Variants in LRRTM4 observed in about 807,000 individuals in gnomAD.
LRRTM4 encodes leucine rich repeat transmembrane neuronal 4, also known as leucine-rich repeat transmembrane neuronal protein 4.
Under a neutral mutation model 47.6 loss-of-function variants are expected in LRRTM4, and 25 were observed. The observed-to-expected ratio is 0.53, with a 90% CI of 0.38 to 0.73. The LOEUF (loss-of-function observed/expected upper bound fraction) is 0.73, where lower values mean the gene tolerates loss of function less well. LRRTM4 is among the 30% of genes least tolerant of loss of function. The probability of loss-of-function intolerance (pLI) is 0.00; values close to 1 mark genes in which losing one functional copy is unlikely to be tolerated. For missense variants in LRRTM4, 638 were observed against 713.4 expected (o/e 0.89, Z 1.20); for synonymous variants, 311 against 269.5 (o/e 1.15, Z -1.51).
At chr2:76,944,236 T>C (rs1675249854) in intron 3 of LRRTM4, among the ~76,000 whole-genome samples, 1 of 152,134 alleles carries the variant, frequency 6.6e-6, no homozygotes, top group African/African-American at 2.4e-5. Context: ...CATACTTTCC[T>C]AATTCCTCTC....
chr2:77,478,555 G>T (rs893124623), intron 3 of LRRTM4, among the ~76,000 whole-genome samples: 1 of 152,044 alleles, frequency 6.6e-6, no homozygotes, highest in African/African-American at 2.4e-5. Context: ...ATTTAATTTA[G>T]TGCTGAGCAA....
chr2:77,403,192 T>A (rs1674030370), intron 3 of LRRTM4, among the ~76,000 whole-genome samples: 1 of 151,988 alleles, frequency 6.6e-6, no homozygotes, highest in African/African-American at 2.4e-5. Flanking sequence ...AAAAAAACTC[T>A]TAATAATCAA....
At chr2:76,835,694 C>CCAAATAGT (rs1414051501) in intron 3 of LRRTM4, among the ~76,000 whole-genome samples, 1 of 152,002 alleles carries the variant, frequency 6.6e-6, no homozygotes, top group East Asian at 1.9e-4. Flanking sequence ...ACTATTTGCA[C>CCAAATAGT]ATTTATTTAG....
chr2:77,419,621 T>C (rs372966242), intron 3 of LRRTM4, among the ~76,000 whole-genome samples: 150 of 152,230 alleles, frequency 9.9e-4, no homozygotes, highest in African/African-American at 3.5e-3. Context: ...TGACCCACAG[T>C]TAGTTGAATC....
At chr2:76,915,883 T>C (rs1026635496) in intron 3 of LRRTM4, among the ~76,000 whole-genome samples, 6 of 152,124 alleles carry the variant, frequency 3.9e-5, no homozygotes, top group Admixed American at 6.5e-5. Context: ...GATTATTAAA[T>C]AATAAGTAAT....
At chr2:77,103,955 T>G (rs148623457) in intron 3 of LRRTM4, among the ~76,000 whole-genome samples, 1 of 152,282 alleles carries the variant, frequency 6.6e-6, no homozygotes, top group East Asian at 1.9e-4. Flanking sequence ...AGTTCTGATC[T>G]GTCCCTGGAT....
At chr2:77,092,364 G>GTTATTATTAT (rs1670675494) in intron 3 of LRRTM4, among the ~76,000 whole-genome samples, 1 of 151,006 alleles carries the variant, frequency 6.6e-6, no homozygotes, top group Non-Finnish European at 1.5e-5. Flanking sequence ...TTTATTGATG[G>GTTATTATTAT]TGGTTCCACC....
At chr2:76,782,630 G>A (rs956336832) in intron 3 of LRRTM4, among the ~76,000 whole-genome samples, 2 of 152,022 alleles carry the variant, frequency 1.3e-5, no homozygotes, top group Non-Finnish European at 2.9e-5. Context: ...TGCCCTGCAC[G>A]GGTCTGTGCT....
intron 3 of LRRTM4, among the ~76,000 whole-genome samples, chr2:76,885,286 C>CT (rs535995232): frequency 8.3e-4 from 126 of 152,006 alleles, no homozygotes; most frequent in African/African-American, 2.9e-3. Flanking sequence ...AGAGTACCTT[C>CT]TTTTTAGAGA....
At chr2:77,453,521 T>G (rs1173275965) in intron 3 of LRRTM4, among the ~76,000 whole-genome samples, 1 of 152,126 alleles carries the variant, frequency 6.6e-6, no homozygotes, top group Admixed American at 6.6e-5. Flanking sequence ...TGATTCCAAG[T>G]CATTGGATAG....
At chr2:77,022,350 C>A (rs2104107379) in intron 3 of LRRTM4, among the ~76,000 whole-genome samples, 1 of 152,156 alleles carries the variant, frequency 6.6e-6, no homozygotes, top group Non-Finnish European at 1.5e-5. Context: ...AGAGCCAAAC[C>A]ATATCATTCT....
At chr2:77,461,750 G>A (rs1206150595) in intron 3 of LRRTM4, among the ~76,000 whole-genome samples, 2 of 151,996 alleles carry the variant, frequency 1.3e-5, no homozygotes, top group African/African-American at 2.4e-5. Context: ...TTCTGAGCAT[G>A]CCCTGCTCTG....
Position 77,341,591 on chromosome 2 carries a change from C to T in LRRTM4, c.1551+176727G>A, listed in dbSNP as rs1001493215. Among the ~76,000 whole-genome samples, 9 of 152,164 alleles carry T rather than the reference C, an allele frequency of 5.9e-5. No homozygotes were observed. The East Asian group carries it at 9.7e-4, about 16-fold the overall frequency. On this transcript the variant is annotated intron_variant, in intron 3 of 3. Transcript: ENST00000409884. ...ATTGTGCCCTACGAGACAAGAACCACGCATGCTGCGGTTTAGCGTAAGAGA... is the reference window on the plus strand; with the variant it reads ...ATTGTGCCCTACGAGACAAGAACCATGCATGCTGCGGTTTAGCGTAAGAGA...
chr2:77,099,428 GT>G (rs2103906951), intron 3 of LRRTM4, among the ~76,000 whole-genome samples: 1 of 151,914 alleles, frequency 6.6e-6, no homozygotes, highest in East Asian at 1.9e-4. Flanking sequence ...ATTATACATG[GT>G]TTAAGGAGAC....
chr2:76,930,333 T>TGCGTGAACACACAC (rs1239064992), intron 3 of LRRTM4, among the ~76,000 whole-genome samples: 9 of 152,140 alleles, frequency 5.9e-5, no homozygotes, highest in African/African-American at 2.2e-4. Flanking sequence ...TGTGCACGCA[T>TGCGTGAACACACAC]GCGTGCACAC....
chr2:77,010,382 A>C (rs1202968056), intron 3 of LRRTM4, among the ~76,000 whole-genome samples: 2 of 151,898 alleles, frequency 1.3e-5, no homozygotes, highest in African/African-American at 4.8e-5. Context: ...GAGATTATGC[A>C]ATATTTGTTT....
intron 3 of LRRTM4, among the ~76,000 whole-genome samples, chr2:76,789,620 G>A (rs534641555): frequency 6.6e-6 from 1 of 152,154 alleles, no homozygotes; most frequent in South Asian, 2.1e-4. Flanking sequence ...TATTTCTTCT[G>A]GTCAAACCTA....
At chr2:76,987,677 G>A (rs1361074920) in intron 3 of LRRTM4, among the ~76,000 whole-genome samples, 1 of 151,784 alleles carries the variant, frequency 6.6e-6, no homozygotes, top group Admixed American at 6.6e-5. Flanking sequence ...AGAGTTTTAA[G>A]CCACATTAGT....
intron 3 of LRRTM4, among the ~76,000 whole-genome samples, chr2:77,357,067 T>C (rs1299922349): frequency 6.6e-6 from 1 of 152,168 alleles, no homozygotes. Flanking sequence ...TTACATTTAC[T>C]TTTCATGGTT....
Sources: gnomAD v4.1 joint callset for allele counts (sites outside exome capture counted in the v4.1 genomes callset) on GRCh38, gnomAD v4.1.1 for gene constraint, MANE v1.5 for transcripts, NCBI Gene and HGNC (gene_info 2026-07-23, HGNC 2026-07-21) for gene names.